Variants in CDHR3 observed in about 807,000 individuals in gnomAD.
CDHR3 encodes cadherin-related family member 3.
In CDHR3, 79 loss-of-function variants were observed where a neutral mutation model predicts 86.6. The ratio of observed to expected loss-of-function variants is 0.91; its 90% CI spans 0.76 to 1.10. CDHR3 has a LOEUF of 1.10. Among genes scored for constraint, CDHR3 ranks in the 50% least tolerant of loss-of-function variants. CDHR3 has a pLI of 0.00. For missense variants in CDHR3, 1,081 were observed against 1,077.6 expected (o/e 1.00, Z -0.04); for synonymous variants, 421 against 402.4 (o/e 1.05, Z -0.55).
At chr7:106,004,388 C>T (rs1833643235) in intron 7 of CDHR3, 110 bp from the exon 8 acceptor site, 1 of 797,944 alleles carries the variant, frequency 1.3e-6, no homozygotes, top group Non-Finnish European at 2.0e-6. Flanking sequence ...AGATTATGCT[C>T]TGCATAAGCT....
Position 106,030,731 on chromosome 7 carries a change from A to G in CDHR3, c.2305-61A>G. Reference sequence around the variant, plus strand: ...AGGAACTTGGGTTGTGAGGATGTGTAGCTTTGCCTGGGGGAAGGAATGTAG... The same window carrying G: ...AGGAACTTGGGTTGTGAGGATGTGTGGCTTTGCCTGGGGGAAGGAATGTAG... On this transcript the variant is annotated intron_variant, in intron 17 of 18. Transcript: ENST00000317716. The surrounding 1 kb of genome is among the most constrained non-coding windows in gnomAD (Gnocchi z 4.8). 5.9e-6 allele frequency: 9 copies of G among 1,526,058 alleles called. No individual in the cohort carries two copies. Among genetic ancestry groups the G allele is most frequent in the Non-Finnish European group, 8.1e-6 (9 of 1,113,854 alleles). The allele number at this position is 1,526,058 out of a possible 1,614,324, so 94.5% of individuals were successfully genotyped here.
chr7:105,973,388 T>C (rs1230844156), intron 1 of CDHR3, among the ~76,000 whole-genome samples: 1 of 152,180 alleles, frequency 6.6e-6, no homozygotes, highest in African/African-American at 2.4e-5. Context: ...CTGTCACAGC[T>C]CAGAAGACCA....
chr7:105,964,294 C>A (rs558859730), intron 1 of CDHR3, among the ~76,000 whole-genome samples: 1 of 152,198 alleles, frequency 6.6e-6, no homozygotes, highest in Admixed American at 6.5e-5. Context: ...GGAATCTCTT[C>A]TTCCCTACAT....
chr7:106,007,880 G>A (rs1834176543), intron 8 of CDHR3, among the ~76,000 whole-genome samples: 1 of 152,160 alleles, frequency 6.6e-6, no homozygotes, highest in Admixed American at 6.5e-5. Flanking sequence ...TTTTCATACT[G>A]CTAATAAAGA....
In CDHR3 at chr7:105,981,227, C is replaced by T. The variant is rs547657443; in HGVS notation, c.415+94C>T. ...GAAACAGAAAAAGTAAATAAACAAG[C>T]AGCTGTTTCCCTGGAAAAGGCAGCT... is the stretch of plus-strand genomic sequence containing the variant. On this transcript the variant is annotated intron_variant, in intron 3 of 18. Coordinates refer to ENST00000317716, the MANE Select transcript of CDHR3 (RefSeq NM_152750.5). 8.7e-5 allele frequency: 113 copies of T among 1,293,830 alleles called. 1 individual carries two copies. The South Asian group carries it at 1.7e-3, about 19-fold the overall frequency. 80.1% of individuals were successfully genotyped at this position (1,293,830 alleles called of 1,614,324 possible).
intron 15 of CDHR3, among the ~76,000 whole-genome samples, chr7:106,024,908 C>T (rs1837128257): frequency 1.3e-5 from 2 of 152,126 alleles, no homozygotes; most frequent in Admixed American, 1.3e-4. Context: ...ATATGCCGTG[C>T]TCTTATTTGT....
chr7:106,007,463 C>T (rs950250424), intron 8 of CDHR3, among the ~76,000 whole-genome samples: 2 of 152,228 alleles, frequency 1.3e-5, no homozygotes, highest in African/African-American at 4.8e-5. Flanking sequence ...ACCCAAGTCA[C>T]ATCTTGAATG....
Position 106,033,779 on chromosome 7 carries a change from T to G in CDHR3, c.*1082T>G, listed in dbSNP as rs78558643. 643 of 152,264 alleles carry G rather than the reference T, an allele frequency of 4.2e-3. 5 individuals are homozygous for G. Among genetic ancestry groups the G allele is most frequent in the African/African-American group, 0.015 (613 of 41,562 alleles). 9.4% of individuals were successfully genotyped at this position (152,264 alleles called of 1,614,324 possible). A position where few individuals can be genotyped will look rare whatever the true frequency, so the allele number is the denominator to read the frequency against. On this transcript the variant is annotated 3_prime_UTR_variant, in exon 19 of 19. Coordinates refer to ENST00000317716, the MANE Select transcript of CDHR3 (RefSeq NM_152750.5). ...AAAAGTGAATTACAACACTATGAACTTTCTTGTACATGTCTTTTGGTGAAC... is the reference window on the plus strand; with the variant it reads ...AAAAGTGAATTACAACACTATGAACGTTCTTGTACATGTCTTTTGGTGAAC...
In CDHR3 at chr7:106,030,934, A is replaced by G; in HGVS notation, c.2353+94A>G. The stretch of plus-strand genomic sequence containing the variant: ...TTATCCAATTTCCTGCTTTTAGCTC[A>G]TTTTGTCAATCCGTTTGGCTATGTT... On this transcript the variant is annotated intron_variant, in intron 18 of 18. Transcript: ENST00000317716. The surrounding 1 kb of genome is among the most constrained non-coding windows in gnomAD (Gnocchi z 4.8). The G allele has an allele frequency of 8.1e-7, 1 of 1,236,286 alleles. No homozygotes were observed. The highest frequency in any genetic ancestry group is 1.2e-6 in the Non-Finnish European group (1 of 862,558). 76.6% of individuals were successfully genotyped at this position (1,236,286 alleles called of 1,614,324 possible).
chr7:105,999,703 C>T (rs1219097999), intron 6 of CDHR3, among the ~76,000 whole-genome samples: 1 of 152,214 alleles, frequency 6.6e-6, no homozygotes, highest in African/African-American at 2.4e-5. Flanking sequence ...TGGTTGCCAC[C>T]TCTGGCATCA....
chr7:106,024,576 G>A lies in CDHR3; in HGVS notation c.2258+14G>A, dbSNP rs896730693. 3.7e-6 allele frequency: 6 copies of A among 1,613,080 alleles called. No individual in the cohort carries two copies. The African/African-American group carries it at 8.0e-5, about 22-fold the overall frequency. On this transcript the variant is annotated intron_variant, in intron 15 of 18. Transcript: ENST00000317716. ...CAAGGAACCTCTGTAAGTTGCCAGTGGGCTGGGCCCTCTTCCCCACCTCCT... is the reference window on the plus strand; with the variant it reads ...CAAGGAACCTCTGTAAGTTGCCAGTAGGCTGGGCCCTCTTCCCCACCTCCT...
In CDHR3 at chr7:106,020,538, G is replaced by A. The variant is rs770068232; in HGVS notation, c.1819G>A (p.Gly607Ser). Residue 607 changes from glycine to serine, a missense_variant, in exon 13 of 19, where the codon GGC becomes AGC. Transcript: ENST00000317716. ...SSPRSFRYSI[G>S]PGNVNNHFTF... is the part of the protein sequence containing the mutation. The stretch of plus-strand genomic sequence containing the variant: ...CCCCAGATCTTTCCGTTATTCCATT[G>A]GCCCAGGTATAGTACTTGGTGTCGA... 3 of 1,613,282 alleles carry A rather than the reference G, an allele frequency of 1.9e-6. No homozygotes were observed. Among genetic ancestry groups the A allele is most frequent in the Admixed American group, 3.3e-5 (2 of 59,978 alleles).
Position 105,981,051 on chromosome 7 carries a change from T to A in CDHR3, c.333T>A (p.Val111=), listed in dbSNP as rs767488646. ...TGCAGATTTATGTGAAGGATGAGGTTGGTGTCACAGACCTGCAAGTCCTGA... is the reference window on the plus strand; with the variant it reads ...TGCAGATTTATGTGAAGGATGAGGTAGGTGTCACAGACCTGCAAGTCCTGA... The part of the protein sequence containing the change: ...FDLQIYVKDE[V]GVTDLQVLTV... Residue 111 remains valine (V), a synonymous_variant, in exon 3 of 19, where the codon GTT becomes GTA. Coordinates refer to ENST00000317716, the MANE Select transcript of CDHR3 (RefSeq NM_152750.5). 6.2e-7 allele frequency: 1 copy of A among 1,613,222 alleles called. No homozygotes were observed. Among genetic ancestry groups the A allele is most frequent in the Admixed American group, 1.7e-5 (1 of 59,918 alleles).
At chr7:106,013,100 T>A in intron 9 of CDHR3, 69 bp downstream of exon 9, 1 of 1,415,972 alleles carries the variant, frequency 7.1e-7, no homozygotes, top group East Asian at 2.4e-5. Flanking sequence ...ATGCTTTTGC[T>A]GCCCCATAGA....
At position 106,015,151 on chromosome 7, in the gene CDHR3, C is replaced by A; in HGVS notation, c.1265C>A (p.Ala422Glu). The change falls in exon 10 of 19, where the codon GCA becomes GAA. Residue 422 changes from alanine to glutamate, a missense_variant. Coordinates refer to ENST00000317716, the MANE Select transcript of CDHR3 (RefSeq NM_152750.5). The part of the protein sequence containing the change: ...DLDYENPSNL[A>E]AGNKYTVIIQ... ...GACTACGAAAATCCAAGTAACCTAG[C>A]AGCCGGCAATAAATATACGGTGATA... 1 of 1,611,246 alleles carries A rather than the reference C, an allele frequency of 6.2e-7. No homozygotes were observed. The highest frequency in any genetic ancestry group is 2.2e-5 in the East Asian group (1 of 44,854).
chr7:105,969,773 T>G (rs1261684920), intron 1 of CDHR3, among the ~76,000 whole-genome samples: 1 of 152,246 alleles, frequency 6.6e-6, no homozygotes, highest in Non-Finnish European at 1.5e-5. Context: ...GTGCATATCC[T>G]TACTTTCATG....
chr7:105,995,225 TCTCCTTAGAC>T (rs1256047385), intron 5 of CDHR3, among the ~76,000 whole-genome samples: 4 of 152,170 alleles, frequency 2.6e-5, no homozygotes, highest in African/African-American at 7.2e-5. Flanking sequence ...AGGAGGCAAC[TCTCCTTAGAC>T]CTCTTGCTAA....
intron 2 of CDHR3, among the ~76,000 whole-genome samples, chr7:105,979,066 T>C (rs888847826): frequency 6.6e-6 from 1 of 152,218 alleles, no homozygotes; most frequent in Non-Finnish European, 1.5e-5. Flanking sequence ...AGTCACCATT[T>C]GCAGAGTGTT....
intron 8 of CDHR3, among the ~76,000 whole-genome samples, chr7:106,011,879 G>A (rs537576716): frequency 4.6e-5 from 7 of 152,102 alleles, no homozygotes; most frequent in South Asian, 2.1e-4. Context: ...CAAGACCCCC[G>A]AATTTGATCA....
Sources: allele counts gnomAD v4.1 joint callset (sites outside exome capture counted in the v4.1 genomes callset), GRCh38; gene constraint gnomAD v4.1.1; non-coding constraint Gnocchi (gnomAD v3.1); transcripts MANE v1.5; gene names NCBI Gene and HGNC (gene_info 2026-07-23, HGNC 2026-07-21).